Variants in RIPOR2 observed in about 807,000 individuals in gnomAD.
RIPOR2 encodes the protein RHO family interacting cell polarization regulator 2.
RIPOR2 carries 39 observed loss-of-function variants against 114.5 expected under a neutral mutation model. That is an observed-to-expected ratio of 0.34 (90% CI 0.26 to 0.44). The LOEUF is 0.44. Ranked by LOEUF, RIPOR2 falls within the 20% of genes least tolerant of loss-of-function variation. The pLI is 1.00. For synonymous variants in RIPOR2, 445 were observed against 484.4 expected (o/e 0.92, Z 1.07); for missense variants, 1,007 against 1,255.1 (o/e 0.80, Z 2.99).
At chr6:24,888,118 C>A (rs898517489) in intron 1 of RIPOR2, among the ~76,000 whole-genome samples, 2 of 152,104 alleles carry the variant, frequency 1.3e-5, no homozygotes, top group African/African-American at 2.4e-5. Context: ...TTTAAAAAAA[C>A]CCAGCAAAAC....
At chr6:24,910,300 G>A (rs1769419941) in intron 1 of RIPOR2, among the ~76,000 whole-genome samples, 2 of 152,122 alleles carry the variant, frequency 1.3e-5, no homozygotes, top group Non-Finnish European at 2.9e-5. Flanking sequence ...GGTGAGGAAC[G>A]AGCTGGTTCA....
intron 1 of RIPOR2, among the ~76,000 whole-genome samples, chr6:24,904,302 C>A (rs1410915266): frequency 1.3e-5 from 2 of 152,298 alleles, no homozygotes; most frequent in East Asian, 3.9e-4. Context: ...GTTTCCTTGC[C>A]CTTTCTAGCT....
At chr6:24,926,343 G>A (rs926797786) in intron 1 of RIPOR2, among the ~76,000 whole-genome samples, 8 of 152,184 alleles carry the variant, frequency 5.3e-5, no homozygotes, top group Non-Finnish European at 1.0e-4. Context: ...CATTTCTGGA[G>A]GAGGCAAGGG....
intron 1 of RIPOR2, among the ~76,000 whole-genome samples, chr6:24,908,134 G>A (rs1769178360): frequency 6.6e-6 from 1 of 152,026 alleles, no homozygotes; most frequent in African/African-American, 2.4e-5. Flanking sequence ...ACAAGCACGA[G>A]GCCCTACTCA....
chr6:24,876,598 G>C (rs1765784505), intron 1 of RIPOR2, among the ~76,000 whole-genome samples: 1 of 152,188 alleles, frequency 6.6e-6, no homozygotes, highest in Non-Finnish European at 1.5e-5. Flanking sequence ...ACTTGAACTA[G>C]TTCTCCCTTT....
intron 1 of RIPOR2, among the ~76,000 whole-genome samples, chr6:24,890,885 G>A (rs1425397164): frequency 6.6e-6 from 1 of 151,900 alleles, no homozygotes; most frequent in East Asian, 1.9e-4. Context: ...AAACTCCTGG[G>A]CTCAAGAGAC....
intron 1 of RIPOR2, among the ~76,000 whole-genome samples, chr6:25,038,518 T>A (rs1007975530): frequency 1.3e-5 from 2 of 152,264 alleles, no homozygotes; most frequent in Non-Finnish European, 2.9e-5. Flanking sequence ...CAAAAGACCC[T>A]TGTTGGCCTT....
chr6:24,964,271 A>T (rs575634312), intron 1 of RIPOR2, among the ~76,000 whole-genome samples: 58 of 152,022 alleles, frequency 3.8e-4, no homozygotes, highest in Middle Eastern at 6.8e-3. Flanking sequence ...GCTCTCCCTC[A>T]TGCTACCCCT....
Position 24,883,731 on chromosome 6 carries a change from C to T in RIPOR2, c.62-7914G>A, listed in dbSNP as rs548558125. 5.3e-5 allele frequency among the ~76,000 whole-genome samples: 8 copies of T among 152,298 alleles called. No homozygotes were observed. Among genetic ancestry groups the T allele is most frequent in the African/African-American group, 1.7e-4 (7 of 41,570 alleles). Reference sequence around the variant, plus strand: ...TGGAAAAGCTGAATCAGTAAGCAACCAGCTGAGAGTTGCTTTCGTGATTTG... The same window carrying T: ...TGGAAAAGCTGAATCAGTAAGCAACTAGCTGAGAGTTGCTTTCGTGATTTG... On this transcript the variant is annotated intron_variant, in intron 1 of 21. Coordinates refer to ENST00000643898, the MANE Select transcript of RIPOR2 (RefSeq NM_001286445.3). This position sits in a 1 kb window ranked among gnomAD's most constrained non-coding sequence, Gnocchi z 4.1.
intron 1 of RIPOR2, among the ~76,000 whole-genome samples, chr6:25,012,735 T>C (rs939640660): frequency 3.5e-4 from 53 of 151,912 alleles, no homozygotes; most frequent in African/African-American, 1.1e-3. Flanking sequence ...GAAGGGGAGA[T>C]TGGAATGAGG....
At chr6:24,982,349 A>T (rs1033145342) in intron 1 of RIPOR2, among the ~76,000 whole-genome samples, 1 of 152,234 alleles carries the variant, frequency 6.6e-6, no homozygotes, top group Non-Finnish European at 1.5e-5. Context: ...TTCAAACAAA[A>T]TGAATTATTC....
At chr6:24,980,256 T>G (rs549774658) in intron 1 of RIPOR2, among the ~76,000 whole-genome samples, 1 of 152,308 alleles carries the variant, frequency 6.6e-6, no homozygotes, top group South Asian at 2.1e-4. Flanking sequence ...TTGTCCAGAT[T>G]CAGAAATTAC....
At position 24,806,266 on chromosome 6, in the gene RIPOR2, C is replaced by T. The variant is rs1427908300; in HGVS notation, c.*107G>A. The T allele has an allele frequency of 1.3e-5, 10 of 787,056 alleles. No individual in the cohort carries two copies. Among genetic ancestry groups the T allele is most frequent in the Non-Finnish European group, 1.9e-5 (9 of 474,990 alleles). 48.8% of individuals were successfully genotyped at this position (787,056 alleles called of 1,614,324 possible). A position where few individuals can be genotyped will look rare whatever the true frequency, so the allele number is the denominator to read the frequency against. On this transcript the variant is annotated 3_prime_UTR_variant, in exon 22 of 22. Coordinates refer to ENST00000643898, the MANE Select transcript of RIPOR2 (RefSeq NM_001286445.3). Reference sequence around the variant, plus strand: ...CTGCACCTGGCCTACATTTTTATTTCAGTTGTCGTGTCTCTCAGGCTCTAA... The same window carrying T: ...CTGCACCTGGCCTACATTTTTATTTTAGTTGTCGTGTCTCTCAGGCTCTAA...
chr6:24,832,273 A>T lies in RIPOR2; in HGVS notation c.2327T>A (p.Ile776Asn), dbSNP rs1263543154. ...AAVSDENIGN[I>N]SSVVEAIPEF... ...ATACTTACCTTCCACAACAGAACTG[A>T]TATTTCCTATGTTCTCATCACTGAC... Residue 776 changes from isoleucine (I) to asparagine (N), a missense_variant, in exon 16 of 22, where the codon ATC becomes AAC. Physicochemically the swap from Ile to Asn is moderately radical, Grantham distance 149 (BLOSUM62 -3). Coordinates refer to ENST00000643898, the MANE Select transcript of RIPOR2 (RefSeq NM_001286445.3). 2 of 1,551,702 alleles carry T rather than the reference A, an allele frequency of 1.3e-6. No individual in the cohort carries two copies. The highest frequency in any genetic ancestry group is 2.4e-5 in the East Asian group (1 of 40,926).
chr6:24,952,109 C>T (rs577247931), intron 1 of RIPOR2, among the ~76,000 whole-genome samples: 1 of 152,282 alleles, frequency 6.6e-6, no homozygotes, highest in African/African-American at 2.4e-5. Flanking sequence ...ATATTGCACT[C>T]TTTTGCACAA....
chr6:24,961,143 A>G (rs1773286872), intron 1 of RIPOR2, among the ~76,000 whole-genome samples: 1 of 152,210 alleles, frequency 6.6e-6, no homozygotes, highest in Non-Finnish European at 1.5e-5. Flanking sequence ...AAAACAAGCC[A>G]CATAAAAAAG....
chr6:24,982,973 A>G (rs1774363177), intron 1 of RIPOR2, among the ~76,000 whole-genome samples: 1 of 152,166 alleles, frequency 6.6e-6, no homozygotes, highest in Non-Finnish European at 1.5e-5. Flanking sequence ...ACAGCCAATC[A>G]GTAGCTTAGG....
intron 1 of RIPOR2, among the ~76,000 whole-genome samples, chr6:24,942,131 A>C (rs552642967): frequency 1.3e-4 from 20 of 152,312 alleles, no homozygotes; most frequent in African/African-American, 3.6e-4. Flanking sequence ...GATAGCACAT[A>C]AGTCACTGGG....
At chr6:25,007,955 C>T (rs766954816) in intron 1 of RIPOR2, among the ~76,000 whole-genome samples, 4 of 151,980 alleles carry the variant, frequency 2.6e-5, no homozygotes, top group Non-Finnish European at 5.9e-5. Context: ...TCCCAGGCAA[C>T]CAATGCTGGA....
Sources: gnomAD v4.1 joint callset for allele counts (sites outside exome capture counted in the v4.1 genomes callset) on GRCh38, gnomAD v4.1.1 for gene constraint, Gnocchi (gnomAD v3.1) non-coding constraint, MANE v1.5 for transcripts, NCBI Gene and HGNC (gene_info 2026-07-23, HGNC 2026-07-21) for gene names.